Variants in BRD7 observed in about 807,000 individuals in gnomAD.
BRD7 encodes bromodomain containing 7, also known as bromodomain-containing protein 7.
A neutral mutation model predicts 82.1 loss-of-function variants in BRD7; 15 were observed. The observed-to-expected ratio is 0.18, with a 90% confidence interval of 0.12 to 0.28. The LOEUF is 0.28. Ranked by LOEUF, BRD7 falls within the 10% of genes least tolerant of loss-of-function variation. BRD7 has a pLI of 1.00. For synonymous variants in BRD7, 232 were observed against 266.9 expected, an observed-to-expected ratio of 0.87 and a Z score of 1.27; for missense variants, 638 against 779.9, an observed-to-expected ratio of 0.82 and a Z score of 2.17.
At chr16:50,360,883 A>G (rs2038910858) in intron 2 of BRD7, among the ~76,000 whole-genome samples, 1 of 152,210 alleles carries the variant, frequency 6.6e-6, no homozygotes, top group Admixed American at 6.5e-5. Context: ...GGAGGGACAC[A>G]CACAGACCAA....
intron 2 of BRD7, among the ~76,000 whole-genome samples, chr16:50,363,514 G>A (rs1335460798): frequency 6.6e-6 from 1 of 152,164 alleles, no homozygotes; most frequent in Non-Finnish European, 1.5e-5. Context: ...GCTGTACAGG[G>A]AGAAATACTG....
Position 50,317,138 on chromosome 16 carries a change from G to GTATTC in BRD7, c.*2068_*2072dup, listed in dbSNP as rs2036838642. 6.5e-6 allele frequency: 1 copy of GTATTC among 152,788 alleles called. No individual in the cohort carries two copies. Among genetic ancestry groups the GTATTC allele is most frequent in the Admixed American group, 6.5e-5 (1 of 15,288 alleles). The allele number at this position is 152,788 out of a possible 1,614,324, so 9.5% of individuals were successfully genotyped here. ...TTTATCAGCCCGAGGAAGGGCAGGT[G>GTATTC]TATTCTAATTTGCACAAAGGTGCTG... On this transcript the variant is annotated 3_prime_UTR_variant, in exon 17 of 17. Coordinates refer to ENST00000394688, the MANE Select transcript of BRD7 (RefSeq NM_013263.5).
chr16:50,358,898 T>C (rs2038840820), intron 2 of BRD7, among the ~76,000 whole-genome samples: 1 of 152,228 alleles, frequency 6.6e-6, no homozygotes, highest in Non-Finnish European at 1.5e-5. Context: ...TAGCTTCTAG[T>C]TCACCAGCAT....
chr16:50,334,871 T>C lies in BRD7; in HGVS notation c.727A>G (p.Ser243Gly). The C allele has an allele frequency of 6.2e-7, 1 of 1,613,930 alleles. No homozygotes were observed. The change falls in exon 7 of 17, where the codon AGC (serine) becomes GGC (glycine). Residue 243 changes from serine (S) to glycine (G), a missense_variant. Ser to Gly is a moderately conservative substitution (Grantham distance 56). Around this residue, in one of 3 missense-constraint regions of BRD7, gnomAD observed 402 missense variants for 500.8 expected, o/e 0.80. Coordinates refer to ENST00000394688, the MANE Select transcript of BRD7 (RefSeq NM_013263.5). ...SQERIQSLKQ[S>G]IDFMADLQKT... ...TGCAAGTCAGCCATGAAGTCTATGC[T>C]CTGCTTCAGGCTCTGAATTCTTTCC...
chr16:50,332,458 A>G (rs2037609023), intron 8 of BRD7, among the ~76,000 whole-genome samples: 1 of 152,210 alleles, frequency 6.6e-6, no homozygotes, highest in South Asian at 2.1e-4. Context: ...ACAATAAGAT[A>G]CCATATTATA....
In BRD7 at chr16:50,334,742, C is replaced by T. The variant is rs892698215; in HGVS notation, c.856G>A (p.Ala286Thr). ...REDSGDAEAH[A>T]FKSPSKENKK... ...TTTTCTTTGCTGGGACTCTTGAAGG[C>T]GTGTGCTTCGGCATCTCCAGAGTCC... The change falls in exon 7 of 17, where the codon GCC (alanine) becomes ACC (threonine). Residue 286 changes from alanine (A) to threonine (T), a missense_variant. By Grantham distance (58) the Ala-to-Thr change is moderately conservative. This residue lies in a region of BRD7 where 402 missense variants were observed against 500.8 expected (regional missense o/e 0.80). Coordinates refer to ENST00000394688, the MANE Select transcript of BRD7 (RefSeq NM_013263.5). 3.7e-6 allele frequency: 6 copies of T among 1,613,770 alleles called. No homozygotes were observed. Among genetic ancestry groups the T allele is most frequent in the East Asian group, 4.5e-5 (2 of 44,884 alleles).
At chr16:50,334,331 C>G (rs1427730619) in intron 7 of BRD7, among the ~76,000 whole-genome samples, 1 of 152,226 alleles carries the variant, frequency 6.6e-6, no homozygotes, top group East Asian at 1.9e-4. Flanking sequence ...GCTTAAGACG[C>G]AGCAGTGCCT....
chr16:50,335,023 C>T (rs2037740529), intron 6 of BRD7, 128 bp from the exon 7 acceptor site: 1 of 918,464 alleles, frequency 1.1e-6, no homozygotes, highest in African/African-American at 1.7e-5. Context: ...TAAATGTAAT[C>T]ATATACCAAG....
chr16:50,366,821 A>T (rs901207907), intron 2 of BRD7, among the ~76,000 whole-genome samples: 1 of 152,240 alleles, frequency 6.6e-6, no homozygotes, highest in Non-Finnish European at 1.5e-5. Flanking sequence ...ATTAAAAAAA[A>T]CAACTGGTTA....
chr16:50,325,878 A>G lies in BRD7; in HGVS notation c.1201T>C (p.Tyr401His), dbSNP rs779638579. Reference protein sequence around the residue: ...DKRNKVTPVLYLNYGPYSSYA... With the variant: ...DKRNKVTPVLHLNYGPYSSYA... ...GAACTGTAGGGCCCATAATTCAAATATAACACTGTTGAAAAAATCAAATAC... is the reference window on the plus strand; with the variant it reads ...GAACTGTAGGGCCCATAATTCAAATGTAACACTGTTGAAAAAATCAAATAC... The change falls in exon 11 of 17, where the codon TAT (tyrosine) becomes CAT (histidine). Residue 401 changes from tyrosine (Y) to histidine (H), a missense_variant. This residue lies in a region of BRD7 where 402 missense variants were observed against 500.8 expected (regional missense o/e 0.80). Transcript: ENST00000394688. 36 of 1,587,560 alleles carry G rather than the reference A, an allele frequency of 2.3e-5. No homozygotes were observed. Among genetic ancestry groups the G allele is most frequent in the Non-Finnish European group, 2.8e-5 (33 of 1,173,456 alleles).
intron 6 of BRD7, among the ~76,000 whole-genome samples, chr16:50,336,167 C>T (rs900367335): frequency 3.9e-5 from 6 of 151,934 alleles, no homozygotes; most frequent in Non-Finnish European, 5.9e-5. Flanking sequence ...TATTTAATCC[C>T]ACGTCTACAC....
rs368949872 is a variant in BRD7 at position 50,322,309 on chromosome 16, A to G, written c.1444-271T>C. On this transcript the variant is annotated intron_variant, in intron 12 of 16. Coordinates refer to ENST00000394688, the MANE Select transcript of BRD7 (RefSeq NM_013263.5). ...AGAAGGTATTTGGTAAATAACTTATAAATATGTAAATAAATGGTATCTGTT... is the reference window on the plus strand; with the variant it reads ...AGAAGGTATTTGGTAAATAACTTATGAATATGTAAATAAATGGTATCTGTT... 3.3e-5 allele frequency among the ~76,000 whole-genome samples: 5 copies of G among 152,248 alleles called. No homozygotes were observed. In the South Asian group the frequency reaches 1.0e-3, roughly 31 times the overall value.
chr16:50,361,903 T>G (rs1316305413), intron 2 of BRD7: 1 of 152,214 alleles, frequency 6.6e-6, no homozygotes, highest in Non-Finnish European at 1.5e-5. Context: ...CTCTACGCAG[T>G]GGCCTATCAT....
intron 4 of BRD7, among the ~76,000 whole-genome samples, chr16:50,352,956 C>T (rs1159907397): frequency 2.6e-5 from 4 of 152,014 alleles, no homozygotes; most frequent in Non-Finnish European, 5.9e-5. Flanking sequence ...AATGGAATAC[C>T]CAATACCTAT....
intron 6 of BRD7, among the ~76,000 whole-genome samples, chr16:50,338,392 G>A (rs2037906817): frequency 2.0e-5 from 3 of 152,200 alleles, no homozygotes. Flanking sequence ...CTCTAGTTAA[G>A]TGAATCCAAG....
intron 5 of BRD7, among the ~76,000 whole-genome samples, chr16:50,348,439 C>A (rs1012349365): frequency 2.0e-5 from 3 of 152,300 alleles, no homozygotes; most frequent in Admixed American, 2.0e-4. Flanking sequence ...AGAGCTTCTG[C>A]ACAGCAAAAG....
At chr16:50,333,545 A>G in intron 8 of BRD7, 29 bp downstream of exon 8, 2 of 1,601,458 alleles carry the variant, frequency 1.2e-6, no homozygotes, top group Non-Finnish European at 1.7e-6. Context: ...ATCAGTAGGT[A>G]GAGAAAAGAA....
chr16:50,334,932 T>C (rs1235442968), intron 6 of BRD7, 37 bp from the exon 7 acceptor site: 2 of 1,587,080 alleles, frequency 1.3e-6, no homozygotes, highest in South Asian at 2.3e-5. Context: ...TATATGTTTG[T>C]CATTAACTTT....
At chr16:50,321,334 G>A (rs2037092091) in intron 13 of BRD7, among the ~76,000 whole-genome samples, 1 of 152,282 alleles carries the variant, frequency 6.6e-6, no homozygotes, top group Middle Eastern at 3.4e-3. Context: ...GCCGAGGTGG[G>A]CGGATCACCT....
Sources: gnomAD v4.1 joint callset for allele counts (sites outside exome capture counted in the v4.1 genomes callset) on GRCh38, gnomAD v4.1.1 for gene constraint, gnomAD v4.1.1 regional missense constraint, MANE v1.5 for transcripts, NCBI Gene and HGNC (gene_info 2026-07-23, HGNC 2026-07-21) for gene names.